The following DOCK9 variants were observed in gnomAD, a reference collection of about 807,000 sequenced individuals.
DOCK9 encodes the protein dedicator of cytokinesis protein 9.
DOCK9 carries 89 observed loss-of-function variants against 263.3 expected under a neutral mutation model. That is an observed-to-expected ratio of 0.34 (90% CI 0.28 to 0.40). The LOEUF is 0.40. Among genes scored for constraint, DOCK9 ranks in the 10% least tolerant of loss-of-function variants. The pLI, the probability that DOCK9 is intolerant of heterozygous loss-of-function variation, is 1.00. For synonymous variants in DOCK9, 976 were observed against 973.1 expected, an observed-to-expected ratio of 1.00 and a Z score of -0.06; for missense variants, 2,140 against 2,603.4, an observed-to-expected ratio of 0.82 and a Z score of 3.87.
chr13:98,862,783 C>T (rs1304141624), intron 32 of DOCK9, among the ~76,000 whole-genome samples: 1 of 152,100 alleles, frequency 6.6e-6, no homozygotes, highest in Non-Finnish European at 1.5e-5. Flanking sequence ...TGGCGCGATG[C>T]CACTACAAGC....
At chr13:98,860,632 A>C in intron 32 of DOCK9, 110 bp from the exon 33 acceptor site, 13 of 879,906 alleles carry the variant, frequency 1.5e-5, no homozygotes, top group East Asian at 4.0e-5. Context: ...GATGCATTCA[A>C]CGTGCCTGCC....
rs1313323445 is a variant in DOCK9 at position 98,809,338 on chromosome 13, G to C, written c.5367+14C>G. ...AGGACTTAGGACAGTCTGCAGAATG[G>C]ACAGGAGGCTCACCTGCCCGAAGAA... On this transcript the variant is annotated intron_variant, in intron 47 of 52. Transcript: ENST00000682017. 6.2e-7 allele frequency: 1 copy of C among 1,605,874 alleles called. No homozygotes were observed. Among genetic ancestry groups the C allele is most frequent in the Admixed American group, 1.7e-5 (1 of 59,924 alleles).
In DOCK9 at chr13:98,997,000, G is replaced by C. The variant is rs1418617220; in HGVS notation, c.130-41449C>G. Among the ~76,000 whole-genome samples the C allele has an allele frequency of 5.9e-5, 9 of 152,296 alleles. No homozygotes were observed. In the South Asian group the frequency reaches 1.2e-3, roughly 21 times the overall value. On this transcript the variant is annotated intron_variant, in intron 1 of 32. Coordinates refer to the DOCK9 transcript ENST00000427887. ...GCATAACAGAAAGAAGACAAGAAAA[G>C]ACATGTGCTCCCCTCTCACAACCTG...
chr13:99,048,190 T>C (rs965282825), intron 1 of DOCK9, among the ~76,000 whole-genome samples: 1 of 151,860 alleles, frequency 6.6e-6, no homozygotes, highest in Admixed American at 6.6e-5. Context: ...TACAGTTTTA[T>C]CTGTTTTGTT....
At chr13:98,857,191 G>T (rs886480358) in intron 33 of DOCK9, 3 of 152,226 alleles carry the variant, frequency 2.0e-5, no homozygotes, top group Non-Finnish European at 4.4e-5. Flanking sequence ...TGGACTCTGT[G>T]TCTGGCAGCT....
intron 5 of DOCK9, 109 bp from the exon 6 acceptor site, chr13:98,922,255 G>T: frequency 1.4e-6 from 1 of 730,414 alleles, no homozygotes; most frequent in Non-Finnish European, 2.3e-6. Context: ...GTTGTCCATT[G>T]CCCCTTTACT....
At position 98,881,642 on chromosome 13, in the gene DOCK9, A is replaced by G. The variant is rs1340923626; in HGVS notation, c.2676-15T>C. 6.2e-7 allele frequency: 1 copy of G among 1,600,834 alleles called. No individual in the cohort carries two copies. Among genetic ancestry groups the G allele is most frequent in the South Asian group, 1.1e-5 (1 of 87,902 alleles). On this transcript the variant is annotated splice_polypyrimidine_tract_variant and intron_variant, in intron 24 of 52. Transcript: ENST00000682017. ...GAATAATGACCCTACACACCACAGG[A>G]GTGAATAAAGCAAAGAATATGTAAA...
chr13:98,857,812 G>T (rs2093743848), intron 33 of DOCK9: 1 of 152,228 alleles, frequency 6.6e-6, no homozygotes, highest in South Asian at 2.1e-4. Flanking sequence ...CTCCCCAGGA[G>T]AGAAACCATG....
intron 13 of DOCK9, among the ~76,000 whole-genome samples, chr13:98,901,376 G>A (rs1468744813): frequency 1.3e-5 from 2 of 152,166 alleles, no homozygotes; most frequent in African/African-American, 4.8e-5. Context: ...GGTCATCTGA[G>A]CCAAGGGCAT....
At chr13:98,887,322 CAT>C (rs1566859565) in intron 18 of DOCK9, among the ~76,000 whole-genome samples, 1 of 151,196 alleles carries the variant, frequency 6.6e-6, no homozygotes, top group African/African-American at 2.4e-5. Context: ...TCACCTAAAA[CAT>C]ATGGATAATA....
chr13:98,863,666 G>A (rs113953542), intron 30 of DOCK9, 118 bp from the exon 31 acceptor site: 19,272 of 1,068,594 alleles, frequency 0.018, 1,261 homozygotes, highest in African/African-American at 0.16. Context: ...CCCACCCTGG[G>A]TGTCAAGAGA....
intron 1 of DOCK9, among the ~76,000 whole-genome samples, chr13:98,985,833 A>G (rs914396187): frequency 2.0e-5 from 3 of 152,128 alleles, no homozygotes; most frequent in Middle Eastern, 3.2e-3. Flanking sequence ...CTATCCCCCT[A>G]CCCCACCCCA....
At chr13:98,862,930 G>C in intron 32 of DOCK9, 89 bp downstream of exon 32, 1 of 1,103,226 alleles carries the variant, frequency 9.1e-7, no homozygotes, top group Admixed American at 2.1e-5. Flanking sequence ...ATAAACTGCT[G>C]CTGCTCTAAG....
At chr13:99,017,751 A>G (rs767373734) in intron 1 of DOCK9, among the ~76,000 whole-genome samples, 6 of 152,244 alleles carry the variant, frequency 3.9e-5, no homozygotes, top group Non-Finnish European at 7.3e-5. Context: ...CTTTAAAAAA[A>G]ATCACAAAAA....
intron 1 of DOCK9, among the ~76,000 whole-genome samples, chr13:98,985,099 G>A (rs1878148445): frequency 6.7e-6 from 1 of 148,632 alleles, no homozygotes; most frequent in Middle Eastern, 3.2e-3. Context: ...GGGGGGTGGG[G>A]CCTGCGCTCT....
intron 10 of DOCK9, among the ~76,000 whole-genome samples, chr13:98,904,124 T>G (rs1296413205): frequency 2.0e-5 from 3 of 152,264 alleles, no homozygotes; most frequent in African/African-American, 7.2e-5. Flanking sequence ...TGGTAAATTT[T>G]ATATTATGTA....
intron 1 of DOCK9, among the ~76,000 whole-genome samples, chr13:98,994,413 C>T (rs1477437500): frequency 1.3e-5 from 2 of 152,194 alleles, no homozygotes; most frequent in Non-Finnish European, 2.9e-5. Context: ...GCCAAGGATG[C>T]TGCCAAACAT....
In DOCK9 at chr13:98,805,205, T is replaced by C. The variant is rs764079858; in HGVS notation, c.5519A>G (p.Asn1840Ser). 3 of 1,592,986 alleles carry C rather than the reference T, an allele frequency of 1.9e-6. No individual in the cohort carries two copies. The highest frequency in any genetic ancestry group is 2.2e-5 in the East Asian group (1 of 44,504). The change falls in exon 49 of 53, where the codon AAC (asparagine) becomes AGC (serine). Residue 1840 changes from asparagine to serine, a missense_variant. Physicochemically the swap from Asn to Ser is conservative, Grantham distance 46 (BLOSUM62 1). Coordinates refer to ENST00000682017, the MANE Select transcript of DOCK9 (RefSeq NM_001366683.2). ...ATACTTAGAATCCAGATCCTTAGGG[T>C]TGACCTTTAATTGAAACAGCACAAT... ...VKMIQDSGKV[N>S]PKDLDSKYAY...
At chr13:99,041,780 C>T (rs942483359) in intron 1 of DOCK9, among the ~76,000 whole-genome samples, 2 of 152,190 alleles carry the variant, frequency 1.3e-5, no homozygotes, top group South Asian at 4.1e-4. Flanking sequence ...ACTCAAATGA[C>T]AACTATGCTA....
Sources: gnomAD v4.1 joint callset for allele counts (sites outside exome capture counted in the v4.1 genomes callset) on GRCh38, gnomAD v4.1.1 for gene constraint, MANE v1.5 for transcripts, NCBI Gene and HGNC (gene_info 2026-07-23, HGNC 2026-07-21) for gene names.